Variants in PPP1R9A observed in about 807,000 individuals in gnomAD.
PPP1R9A encodes protein phosphatase 1 regulatory subunit 9A.
PPP1R9A carries 59 observed loss-of-function variants against 141.9 expected under a neutral mutation model. That is an observed-to-expected ratio of 0.42 (90% CI 0.34 to 0.52). The LOEUF (loss-of-function observed/expected upper bound fraction) is 0.52. Among genes scored for constraint, PPP1R9A ranks in the 20% least tolerant of loss-of-function variants. The probability of loss-of-function intolerance (pLI) is 0.10; values close to 1 mark genes in which losing one functional copy is unlikely to be tolerated. For synonymous variants in PPP1R9A, 500 were observed against 569.7 expected (o/e 0.88, Z 1.74); for missense variants, 1,444 against 1,611.9 (o/e 0.90, Z 1.78).
chr7:95,083,979 T>G (rs1816275469), intron 2 of PPP1R9A, among the ~76,000 whole-genome samples: 1 of 151,954 alleles, frequency 6.6e-6, no homozygotes, highest in African/African-American at 2.4e-5. Context: ...AAGGGAACAT[T>G]GCACAGAAAG....
intron 4 of PPP1R9A, chr7:95,156,977 T>G (rs762419531): frequency 6.6e-6 from 1 of 152,318 alleles, no homozygotes; most frequent in Non-Finnish European, 1.5e-5. Flanking sequence ...TGCATGCTGA[T>G]CAGTCCATGG....
intron 2 of PPP1R9A, among the ~76,000 whole-genome samples, chr7:95,081,068 G>A (rs981156306): frequency 6.6e-6 from 1 of 152,130 alleles, no homozygotes; most frequent in Non-Finnish European, 1.5e-5. Flanking sequence ...TAATTCAGAA[G>A]GGTATGTAGC....
intron 2 of PPP1R9A, among the ~76,000 whole-genome samples, chr7:95,094,879 CA>C (rs1166550834): frequency 0.016 from 730 of 44,900 alleles, 2 homozygotes; most frequent in Middle Eastern, 0.045. Context: ...GACTGCGTCT[CA>C]AAAAAAAAAA....
chr7:94,961,863 A>G (rs747638807), intron 2 of PPP1R9A, among the ~76,000 whole-genome samples: 7 of 151,926 alleles, frequency 4.6e-5, no homozygotes, highest in Non-Finnish European at 1.0e-4. Flanking sequence ...GATATGTCAG[A>G]GGGTGGTCAT....
chr7:94,944,564 A>G lies in PPP1R9A; in HGVS notation c.1395+33056A>G, dbSNP rs1047300644. Among the ~76,000 whole-genome samples the G allele has an allele frequency of 3.3e-5, 5 of 149,904 alleles. 1 individual carries two copies. In the South Asian group the frequency reaches 8.3e-4, roughly 25 times the overall value. ...GGGAAGAGGGCACCTCGTTTCTTAT[A>G]AAACTGTAGAGTTAAACTGACTAAA... is the stretch of plus-strand genomic sequence containing the variant. On this transcript the variant is annotated intron_variant, in intron 2 of 19. Coordinates refer to ENST00000433360, the MANE Select transcript of PPP1R9A (RefSeq NM_001166160.2).
intron 2 of PPP1R9A, among the ~76,000 whole-genome samples, chr7:95,097,181 G>A (rs1344307825): frequency 2.6e-5 from 4 of 151,908 alleles, no homozygotes; most frequent in East Asian, 3.9e-4. Context: ...CTGCCACTAC[G>A]CCCAGCTAAT....
intron 16 of PPP1R9A, among the ~76,000 whole-genome samples, chr7:95,276,859 G>A (rs1210224053): frequency 2.0e-5 from 3 of 152,172 alleles, no homozygotes; most frequent in Non-Finnish European, 2.9e-5. Context: ...TCTGTGGACA[G>A]CTATATTCTT....
intron 2 of PPP1R9A, among the ~76,000 whole-genome samples, chr7:95,093,648 G>A (rs1054287358): frequency 2.0e-5 from 3 of 152,044 alleles, no homozygotes; most frequent in South Asian, 2.1e-4. Context: ...AAGGAGAGAA[G>A]TCTTTTTTTA....
rs866975745 is a variant in PPP1R9A, at chr7:95,087,728, C to T, written c.1396-23531C>T. 1.1e-4 allele frequency among the ~76,000 whole-genome samples: 17 copies of T among 151,868 alleles called. 1 individual carries two copies. Among genetic ancestry groups the T allele is most frequent in the African/African-American group, 4.1e-4 (17 of 41,210 alleles). ...TAGCCAAGATGGTGAAACCTTGTCT[C>T]TACTAAAACTACAAAAATTAGCTGG... is the stretch of plus-strand genomic sequence containing the variant. On this transcript the variant is annotated intron_variant, in intron 2 of 19. Coordinates refer to ENST00000433360, the MANE Select transcript of PPP1R9A (RefSeq NM_001166160.2).
At chr7:94,955,770 A>AC (rs1797012395) in intron 2 of PPP1R9A, among the ~76,000 whole-genome samples, 1 of 152,154 alleles carries the variant, frequency 6.6e-6, no homozygotes, top group Non-Finnish European at 1.5e-5. Context: ...ACTAAAGTCT[A>AC]CCAGTATCCT....
chr7:95,179,902 C>T lies in PPP1R9A; in HGVS notation c.1754+17931C>T, dbSNP rs187312291. Among the ~76,000 whole-genome samples, 33 of 152,180 alleles carry T rather than the reference C, an allele frequency of 2.2e-4. No individual in the cohort carries two copies. The East Asian group carries it at 3.3e-3, about 15-fold the overall frequency. ...GACACAAACAAATGGAAACACGTCC[C>T]GTGCTCATTGATAGGTAGAATCAAT... On this transcript the variant is annotated intron_variant, in intron 5 of 19. Transcript: ENST00000433360.
At chr7:95,273,485 A>G (rs1802568497) in intron 14 of PPP1R9A, among the ~76,000 whole-genome samples, 1 of 152,194 alleles carries the variant, frequency 6.6e-6, no homozygotes. Context: ...GAAGTGGGCT[A>G]TGTTCCTGTT....
rs1449671005 is a variant in PPP1R9A, at chr7:95,290,486, T to A, written c.*183T>A. 1.5e-6 allele frequency: 1 copy of A among 656,896 alleles called. No homozygotes were observed. Among genetic ancestry groups the A allele is most frequent in the Non-Finnish European group, 2.5e-6 (1 of 402,544 alleles). 40.7% of individuals were successfully genotyped at this position (656,896 alleles called of 1,614,324 possible). On this transcript the variant is annotated 3_prime_UTR_variant, in exon 20 of 20. Coordinates refer to ENST00000433360, the MANE Select transcript of PPP1R9A (RefSeq NM_001166160.2). ...AATAGAATGCACTCTTAATTTTAAC[T>A]ACTAAAATAATCCCAAGCCACCTTT...
chr7:95,192,505 C>CT (rs1835655514), intron 5 of PPP1R9A, among the ~76,000 whole-genome samples: 2 of 151,944 alleles, frequency 1.3e-5, no homozygotes, highest in African/African-American at 4.8e-5. Context: ...ATAGGAGGTA[C>CT]TTTTAAATGC....
chr7:95,208,639 G>C (rs750834689), intron 7 of PPP1R9A, among the ~76,000 whole-genome samples: 3 of 151,730 alleles, frequency 2.0e-5, no homozygotes, highest in Admixed American at 6.6e-5. Context: ...CAGGAGAATG[G>C]CATGAACCTG....
chr7:95,184,493 G>T (rs575932318), intron 5 of PPP1R9A, among the ~76,000 whole-genome samples: 2 of 151,540 alleles, frequency 1.3e-5, no homozygotes, highest in Admixed American at 1.3e-4. Flanking sequence ...CAGTAGTTTT[G>T]GGGGAACAGG....
chr7:95,167,302 T>A (rs1041765352), intron 5 of PPP1R9A, among the ~76,000 whole-genome samples: 3 of 152,094 alleles, frequency 2.0e-5, no homozygotes, highest in Non-Finnish European at 4.4e-5. Flanking sequence ...ATTCAATCAC[T>A]TCCCACCAGG....
intron 8 of PPP1R9A, 102 bp from the exon 9 acceptor site, chr7:95,247,371 A>T (rs984148112): frequency 1.2e-5 from 11 of 894,114 alleles, no homozygotes; most frequent in Non-Finnish European, 1.9e-5. Flanking sequence ...GCACTTTTCT[A>T]GGCCTTTTAC....
chr7:95,265,064 G>A (rs569922728), intron 12 of PPP1R9A, among the ~76,000 whole-genome samples: 2 of 152,242 alleles, frequency 1.3e-5, no homozygotes, highest in South Asian at 4.1e-4. Context: ...AAAACTGACA[G>A]CTATTTTTCT....
Sources: allele counts gnomAD v4.1 joint callset (sites outside exome capture counted in the v4.1 genomes callset), GRCh38; gene constraint gnomAD v4.1.1; transcripts MANE v1.5; gene names NCBI Gene and HGNC (gene_info 2026-07-23, HGNC 2026-07-21).